GALNT2: variants seen among roughly 807,000 people sequenced by gnomAD.
GALNT2 encodes the protein UDP-GalNAc:polypeptide N-acetylgalactosaminyltransferase 2.
Under a neutral mutation model 81.4 loss-of-function variants are expected in GALNT2, and 31 were observed. The ratio of observed to expected loss-of-function variants is 0.38; its 90% confidence interval spans 0.29 to 0.51. The LOEUF (loss-of-function observed/expected upper bound fraction) is 0.51. Among genes scored for constraint, GALNT2 ranks in the 20% least tolerant of loss-of-function variants. GALNT2 has a pLI of 0.87. For synonymous variants in GALNT2, 303 were observed against 287.4 expected (o/e 1.05, Z -0.55); for missense variants, 629 against 765.7 (o/e 0.82, Z 2.11).
At chr1:230,200,176 C>A (rs1053507626) in intron 2 of GALNT2, among the ~76,000 whole-genome samples, 1 of 151,512 alleles carries the variant, frequency 6.6e-6, no homozygotes, top group African/African-American at 2.4e-5. Context: ...GATTCTCCTG[C>A]CTCAGCCTCC....
intron 1 of GALNT2, among the ~76,000 whole-genome samples, chr1:230,125,061 A>G (rs1661132089): frequency 6.6e-6 from 1 of 152,220 alleles, no homozygotes; most frequent in Non-Finnish European, 1.5e-5. Flanking sequence ...GAAAGAGTCC[A>G]TTTGACGTGT....
chr1:230,141,631 A>G (rs763601684), intron 1 of GALNT2, among the ~76,000 whole-genome samples: 13 of 151,908 alleles, frequency 8.6e-5, no homozygotes, highest in South Asian at 2.1e-4. Context: ...TTTTCTCCCT[A>G]TTTAGGGCTG....
rs1277641148 is a variant in GALNT2, at chr1:230,070,255, C to T, written c.126+2849C>T. On this transcript the variant is annotated intron_variant, in intron 1 of 15. Transcript: ENST00000366672. The surrounding 1 kb of genome is among the most constrained non-coding windows in gnomAD (Gnocchi z 4.7). The stretch of plus-strand genomic sequence containing the variant: ...CATTTGTGTCCATACCCTTTCCCCC[C>T]ATATTTTGCTCTTTCCCCCTAAATT... 6.6e-6 allele frequency among the ~76,000 whole-genome samples: 1 copy of T among 152,066 alleles called. No homozygotes were observed. The highest frequency in any genetic ancestry group is 1.5e-5 in the Non-Finnish European group (1 of 68,004).
chr1:230,108,847 C>T (rs961485176), intron 1 of GALNT2, among the ~76,000 whole-genome samples: 4 of 152,086 alleles, frequency 2.6e-5, no homozygotes, highest in Admixed American at 1.3e-4. Flanking sequence ...ACTATCCGAC[C>T]GCATATCGCT....
intron 10 of GALNT2, among the ~76,000 whole-genome samples, chr1:230,251,222 A>G (rs1382502243): frequency 1.3e-5 from 2 of 152,218 alleles, no homozygotes; most frequent in Non-Finnish European, 2.9e-5. Context: ...GCTTGTTTCA[A>G]TTAAAGCCTT....
Position 230,243,630 on chromosome 1 carries a change from A to G in GALNT2, c.729+203A>G. On this transcript the variant is annotated intron_variant, in intron 7 of 15. Coordinates refer to ENST00000366672, the MANE Select transcript of GALNT2 (RefSeq NM_004481.5). The surrounding 1 kb of genome is among the most constrained non-coding windows in gnomAD (Gnocchi z 4.2). ...AAAGACTGTTTTACTGGCTGTAGGA[A>G]TCCATCAGTAGGAGGAACCATCCGT... 6.6e-6 allele frequency among the ~76,000 whole-genome samples: 1 copy of G among 152,174 alleles called. No individual in the cohort carries two copies. The highest frequency in any genetic ancestry group is 1.9e-4 in the East Asian group (1 of 5,192).
At chr1:230,162,047 T>G (rs1173492862) in intron 1 of GALNT2, among the ~76,000 whole-genome samples, 1 of 152,238 alleles carries the variant, frequency 6.6e-6, no homozygotes, top group Admixed American at 6.5e-5. Context: ...AAAAAAAATC[T>G]TGGCGCTTCC....
intron 1 of GALNT2, among the ~76,000 whole-genome samples, chr1:230,128,062 C>T (rs1414401559): frequency 1.3e-5 from 2 of 152,176 alleles, no homozygotes; most frequent in Non-Finnish European, 2.9e-5. Context: ...TCTAGAGTTT[C>T]TCATCACCAG....
At chr1:230,263,316 G>C (rs1665933486) in intron 13 of GALNT2, 1 of 343,978 alleles carries the variant, frequency 2.9e-6, no homozygotes, top group African/African-American at 2.1e-5. Flanking sequence ...TGAAGGACTG[G>C]TGTCTGACAG....
chr1:230,156,492 G>A (rs770729659), intron 1 of GALNT2, among the ~76,000 whole-genome samples: 3 of 151,932 alleles, frequency 2.0e-5, no homozygotes, highest in Admixed American at 6.6e-5. Flanking sequence ...TACCTTCAAC[G>A]TTCGTTTCCT....
At chr1:230,178,573 T>A (rs1273283741) in intron 2 of GALNT2, among the ~76,000 whole-genome samples, 1 of 152,190 alleles carries the variant, frequency 6.6e-6, no homozygotes, top group Non-Finnish European at 1.5e-5. Flanking sequence ...TAGTATATAT[T>A]AGTTCATGAA....
chr1:230,200,238 AT>A (rs1663847632), intron 2 of GALNT2, among the ~76,000 whole-genome samples: 1 of 151,636 alleles, frequency 6.6e-6, no homozygotes, highest in South Asian at 2.1e-4. Flanking sequence ...AATTTTTTGT[AT>A]TTTTAGTAGA....
chr1:230,106,123 C>T lies in GALNT2; in HGVS notation c.126+38717C>T, dbSNP rs563442930. 7.9e-5 allele frequency among the ~76,000 whole-genome samples: 12 copies of T among 152,276 alleles called. No individual in the cohort carries two copies. In the East Asian group the frequency reaches 1.7e-3, roughly 22 times the overall value. On this transcript the variant is annotated intron_variant, in intron 1 of 15. Transcript: ENST00000366672. ...TATGCCAACTCTTTTTGCTCATGGCCGTGCAGTGCAGAATTTCCAGGCATT... is the reference window on the plus strand; with the variant it reads ...TATGCCAACTCTTTTTGCTCATGGCTGTGCAGTGCAGAATTTCCAGGCATT...
chr1:230,221,940 G>T (rs1453940184), intron 3 of GALNT2, among the ~76,000 whole-genome samples: 1 of 151,226 alleles, frequency 6.6e-6, no homozygotes, highest in Non-Finnish European at 1.5e-5. Context: ...AAATGCCAGT[G>T]ATGTGTCTCT....
intron 1 of GALNT2, among the ~76,000 whole-genome samples, chr1:230,149,879 T>C (rs1662038841): frequency 6.6e-6 from 1 of 152,162 alleles, no homozygotes; most frequent in African/African-American, 2.4e-5. Flanking sequence ...TGGGCAGATT[T>C]GCCGAATTGT....
At chr1:230,092,308 C>A (rs1252114709) in intron 1 of GALNT2, among the ~76,000 whole-genome samples, 1 of 150,842 alleles carries the variant, frequency 6.6e-6, no homozygotes, top group African/African-American at 2.4e-5. Context: ...GAAAGATCAC[C>A]ACAGATGGCT....
intron 1 of GALNT2, among the ~76,000 whole-genome samples, chr1:230,153,734 G>A (rs887595774): frequency 6.6e-6 from 1 of 152,208 alleles, no homozygotes; most frequent in African/African-American, 2.4e-5. Context: ...AGTCTGTCTG[G>A]CCGAGGCCAC....
chr1:230,157,316 G>C (rs1462788536), intron 1 of GALNT2, among the ~76,000 whole-genome samples: 1 of 152,078 alleles, frequency 6.6e-6, no homozygotes, highest in Non-Finnish European at 1.5e-5. Flanking sequence ...GGCTTTGGGG[G>C]GAAAAAAAGC....
At chr1:230,100,376 G>GT (rs1660367874) in intron 1 of GALNT2, among the ~76,000 whole-genome samples, 1 of 140,486 alleles carries the variant, frequency 7.1e-6, no homozygotes, top group African/African-American at 2.7e-5. Flanking sequence ...TCCCAGGCTG[G>GT]AGTGCAATGG....
Sources: allele counts gnomAD v4.1 joint callset (sites outside exome capture counted in the v4.1 genomes callset), GRCh38; gene constraint gnomAD v4.1.1; non-coding constraint Gnocchi (gnomAD v3.1); transcripts MANE v1.5; gene names NCBI Gene and HGNC (gene_info 2026-07-23, HGNC 2026-07-21).